The following HPSE2 variants were observed in gnomAD, a reference collection of about 807,000 sequenced individuals.
The protein encoded by HPSE2 is heparanase 2 (inactive).
A neutral mutation model predicts 60.5 loss-of-function variants in HPSE2; 38 were observed. The observed-to-expected ratio is 0.63, with a 90% CI of 0.48 to 0.82. The LOEUF is 0.82. HPSE2 is among the 40% of genes least tolerant of loss of function. The pLI is 0.00. For synonymous variants in HPSE2, 295 were observed against 293.2 expected, an observed-to-expected ratio of 1.01 and a Z score of -0.06; for missense variants, 713 against 740.4, an observed-to-expected ratio of 0.96 and a Z score of 0.43.
At chr10:98,646,800 T>C (rs968525203) in intron 6 of HPSE2, among the ~76,000 whole-genome samples, 1 of 152,232 alleles carries the variant, frequency 6.6e-6, no homozygotes, top group Non-Finnish European at 1.5e-5. Flanking sequence ...AAGAACTAAA[T>C]GCTCATTGTA....
chr10:99,232,405 G>C lies in HPSE2; in HGVS notation c.391C>G (p.Pro131Ala). The C allele has an allele frequency of 6.4e-7, 1 of 1,552,366 alleles. No homozygotes were observed. Among genetic ancestry groups the C allele is most frequent in the East Asian group, 2.4e-5 (1 of 41,034 alleles). The change falls in exon 2 of 12, where the codon CCG becomes GCG. Residue 131 changes from proline to alanine, a missense_variant. Physicochemically the swap from Pro to Ala is conservative, Grantham distance 27. Coordinates refer to ENST00000370552, the MANE Select transcript of HPSE2 (RefSeq NM_021828.5). The part of the protein sequence containing the change: ...DFLQFQNLRN[P>A]AKSRGGPGPD... The stretch of plus-strand genomic sequence containing the variant: ...CCCGGGCCCCCGCGGCTTTTCGCCG[G>C]GTTCCTCAGGTTCTGGAACTGCAGG...
intron 9 of HPSE2, among the ~76,000 whole-genome samples, chr10:98,607,134 A>G (rs1565009401): frequency 8.2e-6 from 1 of 122,080 alleles, no homozygotes; most frequent in Non-Finnish European, 1.6e-5. Flanking sequence ...TCATTTTTAG[A>G]TAATTGTTTA....
chr10:98,719,820 G>A (rs1315602769), intron 5 of HPSE2, among the ~76,000 whole-genome samples: 3 of 151,720 alleles, frequency 2.0e-5, no homozygotes, highest in Admixed American at 6.6e-5. Context: ...GACCAACATG[G>A]CGAAACCCCA....
intron 3 of HPSE2, among the ~76,000 whole-genome samples, chr10:98,797,314 G>C (rs1441960561): frequency 6.6e-6 from 1 of 152,070 alleles, no homozygotes; most frequent in African/African-American, 2.4e-5. Flanking sequence ...AAAAGAAGCA[G>C]AAATTCTATA....
At chr10:98,666,863 C>G (rs1170436557) in intron 6 of HPSE2, among the ~76,000 whole-genome samples, 1 of 151,692 alleles carries the variant, frequency 6.6e-6, no homozygotes, top group Non-Finnish European at 1.5e-5. Context: ...TAACATTGCA[C>G]CTAGAGAAAT....
At chr10:98,794,264 A>T (rs1408164636) in intron 3 of HPSE2, among the ~76,000 whole-genome samples, 4 of 149,510 alleles carry the variant, frequency 2.7e-5, no homozygotes, top group Non-Finnish European at 4.4e-5. Context: ...TTTTTGAGAC[A>T]GAGTCTCACT....
chr10:99,296,554 GGAGCAGTCACA>G, the HPSE2 span, among the ~76,000 whole-genome samples: 495 of 152,358 alleles, frequency 3.2e-3, 1 homozygote, highest in African/African-American at 0.011. Context: ...CTGCTCTGCA[GGAGCAGTCACA>G]GAGCTGTAAC....
chr10:98,502,088 G>T (rs1211015307), intron 9 of HPSE2, among the ~76,000 whole-genome samples: 1 of 152,070 alleles, frequency 6.6e-6, no homozygotes, highest in Non-Finnish European at 1.5e-5. Context: ...CTCATGGATG[G>T]GTAGAGTCAA....
intron 3 of HPSE2, among the ~76,000 whole-genome samples, chr10:98,938,664 G>C (rs1014034139): frequency 1.4e-5 from 2 of 144,108 alleles, no homozygotes; most frequent in Admixed American, 6.9e-5. Flanking sequence ...ACCCTCTGCA[G>C]GATATTGTCC....
At position 99,070,312 on chromosome 10, in the gene HPSE2, C is replaced by T. The variant is rs377244689; in HGVS notation, c.610+73926G>A. Among the ~76,000 whole-genome samples the T allele has an allele frequency of 7.4e-4, 113 of 152,180 alleles. 2 individuals are homozygous for T. In the South Asian group the frequency reaches 0.023, roughly 31 times the overall value. On this transcript the variant is annotated intron_variant, in intron 3 of 11. Transcript: ENST00000370552. ...TTTTTAAATGGACAATATATTTGAA[C>T]ATACACTTCTGCAAAGAAGATATAC...
intron 3 of HPSE2, among the ~76,000 whole-genome samples, chr10:99,038,008 C>T (rs1463469041): frequency 1.3e-5 from 2 of 151,896 alleles, no homozygotes; most frequent in Non-Finnish European, 2.9e-5. Context: ...ATATCTATTC[C>T]AACAGTTGAA....
chr10:98,991,433 T>C (rs1338983331), intron 3 of HPSE2, among the ~76,000 whole-genome samples: 3 of 152,064 alleles, frequency 2.0e-5, no homozygotes, highest in African/African-American at 7.2e-5. Flanking sequence ...GCTCTGTATT[T>C]TAAGGAAGAG....
intron 3 of HPSE2, among the ~76,000 whole-genome samples, chr10:98,925,740 G>A (rs1399695652): frequency 6.6e-6 from 1 of 152,118 alleles, no homozygotes; most frequent in African/African-American, 2.4e-5. Context: ...GGGTGGAGTG[G>A]TTATTGTGTA....
chr10:99,063,592 A>G (rs936073790), intron 3 of HPSE2, among the ~76,000 whole-genome samples: 1 of 152,222 alleles, frequency 6.6e-6, no homozygotes, highest in African/African-American at 2.4e-5. Context: ...TAGTCTATCA[A>G]TTCTACTTCT....
At chr10:99,039,466 T>A (rs998573240) in intron 3 of HPSE2, among the ~76,000 whole-genome samples, 2 of 151,740 alleles carry the variant, frequency 1.3e-5, no homozygotes, top group Admixed American at 1.3e-4. Context: ...AAAATCACTA[T>A]GTAAAGTCCT....
At chr10:99,122,379 A>C (rs1021131447) in intron 3 of HPSE2, among the ~76,000 whole-genome samples, 2 of 152,016 alleles carry the variant, frequency 1.3e-5, no homozygotes, top group African/African-American at 4.8e-5. Flanking sequence ...AATCGGTAAA[A>C]ATTTAGAAAA....
intron 3 of HPSE2, among the ~76,000 whole-genome samples, chr10:98,887,322 C>A (rs1330315523): frequency 6.6e-6 from 1 of 152,102 alleles, no homozygotes; most frequent in Non-Finnish European, 1.5e-5. Context: ...ACTAGCTCCA[C>A]TATTGTGTGA....
chr10:98,691,836 G>A (rs753791157), intron 6 of HPSE2, among the ~76,000 whole-genome samples: 1 of 152,150 alleles, frequency 6.6e-6, no homozygotes, highest in Non-Finnish European at 1.5e-5. Context: ...TAACTCATTT[G>A]GTTGTTGTGA....
At chr10:99,119,549 T>A (rs904716325) in intron 3 of HPSE2, among the ~76,000 whole-genome samples, 9 of 152,218 alleles carry the variant, frequency 5.9e-5, no homozygotes, top group Admixed American at 6.5e-5. Context: ...ACTATTCCTT[T>A]AAACTACCAA....
Sources: gnomAD v4.1 joint callset for allele counts (sites outside exome capture counted in the v4.1 genomes callset) on GRCh38, gnomAD v4.1.1 for gene constraint, MANE v1.5 for transcripts, NCBI Gene and HGNC (gene_info 2026-07-23, HGNC 2026-07-21) for gene names.